Variants in FNDC3A observed in about 807,000 individuals in gnomAD.
The protein encoded by FNDC3A is fibronectin type-III domain-containing protein 3A.
A neutral mutation model predicts 148.9 loss-of-function variants in FNDC3A; 32 were observed. The observed-to-expected ratio is 0.21, with a 90% confidence interval of 0.16 to 0.29. The LOEUF (loss-of-function observed/expected upper bound fraction) is 0.29. Ranked by LOEUF, FNDC3A falls within the 10% of genes least tolerant of loss-of-function variation. The pLI is 1.00. For missense variants in FNDC3A, 1,191 were observed against 1,452.8 expected (o/e 0.82, Z 2.93); for synonymous variants, 472 against 473.6 (o/e 1.00, Z 0.04).
intron 14 of FNDC3A, among the ~76,000 whole-genome samples, chr13:49,184,009 A>G (rs35018425): frequency 0.62 from 94,343 of 152,084 alleles, 29,919 homozygotes; most frequent in Non-Finnish European, 0.68. Context: ...AGATTGTGGT[A>G]AGTGCAATGC....
At chr13:49,070,109 T>C (rs1877545662) in intron 2 of FNDC3A, among the ~76,000 whole-genome samples, 1 of 152,050 alleles carries the variant, frequency 6.6e-6, no homozygotes, top group Admixed American at 6.6e-5. Flanking sequence ...GCCACATAAG[T>C]AGTGTTTTTT....
At chr13:49,115,833 T>C (rs1165373775) in intron 4 of FNDC3A, among the ~76,000 whole-genome samples, 4 of 152,246 alleles carry the variant, frequency 2.6e-5, no homozygotes, top group Non-Finnish European at 5.9e-5. Flanking sequence ...CTTTCCGCTA[T>C]GTACCAAATC....
rs1052870703 is a variant in FNDC3A, at chr13:49,107,577, T to G, written c.176-7078T>G. 2.7e-5 allele frequency among the ~76,000 whole-genome samples: 4 copies of G among 149,902 alleles called. No homozygotes were observed. The East Asian group carries it at 5.8e-4, about 22-fold the overall frequency. On this transcript the variant is annotated intron_variant, in intron 3 of 25. Transcript: ENST00000492622. ...TTTGATCTAGTGAAGGAACAATGCT[T>G]CTTCTGCAAATAGAGGAAAGGAATT... is the stretch of plus-strand genomic sequence containing the variant.
chr13:49,120,133 G>C (rs1197626725), intron 4 of FNDC3A, among the ~76,000 whole-genome samples: 1 of 152,194 alleles, frequency 6.6e-6, no homozygotes, highest in East Asian at 1.9e-4. Context: ...CAGACTAATA[G>C]CAAATCTCTC....
chr13:49,151,949 G>T (rs1302469385), intron 8 of FNDC3A, among the ~76,000 whole-genome samples: 1 of 152,148 alleles, frequency 6.6e-6, no homozygotes, highest in Non-Finnish European at 1.5e-5. Context: ...TGGTGAATAT[G>T]TGCCACATTT....
At chr13:49,123,558 C>CA (rs1485365334) in intron 4 of FNDC3A, among the ~76,000 whole-genome samples, 1 of 151,890 alleles carries the variant, frequency 6.6e-6, no homozygotes, top group African/African-American at 2.4e-5. Context: ...TCAAAGTAAA[C>CA]AGGCAGCCTG....
intron 8 of FNDC3A, among the ~76,000 whole-genome samples, chr13:49,161,825 G>A (rs1304234846): frequency 6.6e-6 from 1 of 152,114 alleles, no homozygotes; most frequent in Non-Finnish European, 1.5e-5. Context: ...CTCAGGATTT[G>A]CTTGTAAATT....
intron 2 of FNDC3A, among the ~76,000 whole-genome samples, chr13:49,007,902 G>A (rs1404275479): frequency 6.6e-6 from 1 of 152,062 alleles, no homozygotes; most frequent in East Asian, 1.9e-4. Context: ...TAGTTCGGTA[G>A]GGAGAGAGCT....
At chr13:49,196,652 G>T (rs193278300) in intron 19 of FNDC3A, among the ~76,000 whole-genome samples, 217 of 152,166 alleles carry the variant, frequency 1.4e-3, no homozygotes, top group African/African-American at 5.1e-3. Context: ...GAAATAAGGG[G>T]CAGAAGAAAG....
intron 2 of FNDC3A, among the ~76,000 whole-genome samples, chr13:49,043,437 T>C (rs1031015514): frequency 3.9e-5 from 6 of 152,196 alleles, no homozygotes; most frequent in Non-Finnish European, 7.3e-5. Context: ...AATGAAAGTA[T>C]AGATTTAAAT....
At chr13:49,027,614 C>T (rs1873813643) in intron 2 of FNDC3A, among the ~76,000 whole-genome samples, 1 of 152,026 alleles carries the variant, frequency 6.6e-6, no homozygotes, top group African/African-American at 2.4e-5. Flanking sequence ...TTTTTACATA[C>T]AATTGGAATT....
chr13:49,199,085 A>G lies in FNDC3A; in HGVS notation c.2987+511A>G, dbSNP rs76559836. 4.7e-3 allele frequency among the ~76,000 whole-genome samples: 710 copies of G among 152,116 alleles called. 8 individuals are homozygous for G. Among genetic ancestry groups the G allele is most frequent in the African/African-American group, 0.016 (681 of 41,490 alleles). ...ACCCAGGCTGGCCTCCAGTGGCACT[A>G]TCTTGGCTCATTGCAACCTCTGCCT... On this transcript the variant is annotated intron_variant, in intron 23 of 25. Transcript: ENST00000492622.
chr13:49,120,338 A>G (rs1881251165), intron 4 of FNDC3A, among the ~76,000 whole-genome samples: 1 of 152,222 alleles, frequency 6.6e-6, no homozygotes, highest in African/African-American at 2.4e-5. Flanking sequence ...CTCCTGAAGG[A>G]AGCCCTAAAT....
At chr13:49,051,222 T>G (rs1242685406) in intron 2 of FNDC3A, among the ~76,000 whole-genome samples, 2 of 152,164 alleles carry the variant, frequency 1.3e-5, no homozygotes, top group African/African-American at 4.8e-5. Context: ...GGTTTTTGTT[T>G]TGTTTTGTTT....
At chr13:49,070,900 T>TTTTTTTTC (rs1877633222) in intron 2 of FNDC3A, among the ~76,000 whole-genome samples, 2 of 135,430 alleles carry the variant, frequency 1.5e-5, no homozygotes, top group African/African-American at 2.7e-5. Flanking sequence ...TTTTGTTTTG[T>TTTTTTTTC]TTTTTTTCTT....
In FNDC3A at chr13:49,168,751, G is replaced by A; in HGVS notation, c.1176G>A (p.Lys392=). Residue 392 remains lysine (K), a splice_region_variant and synonymous_variant, in exon 10 of 26, where the codon AAG becomes AAA. Transcript: ENST00000492622. The stretch of plus-strand genomic sequence containing the variant: ...AAAATTCACTCACTTTGCAATGGAA[G>A]GTAAGAATATTCTTTAGGGTGTTTC... ...RTKNSLTLQW[K]APSDNGSKIQ... 1.2e-6 allele frequency: 2 copies of A among 1,612,948 alleles called. No homozygotes were observed. The highest frequency in any genetic ancestry group is 1.7e-6 in the Non-Finnish European group (2 of 1,179,344).
At chr13:49,190,992 T>C (rs1406226025) in intron 17 of FNDC3A, 23 bp from the exon 18 acceptor site, 3 of 1,569,246 alleles carry the variant, frequency 1.9e-6, no homozygotes, top group East Asian at 2.2e-5. Context: ...ATTTTTGTTT[T>C]CTTTTTGCTT....
In FNDC3A at chr13:49,168,798, G is replaced by A. The variant is rs548848788; in HGVS notation, c.1176+47G>A. ...TTTCCAACTGGACATGTGTTTCTTT[G>A]TTTCCCCTGGTAGTATTAAGTTTCA... On this transcript the variant is annotated intron_variant, in intron 10 of 25. Transcript: ENST00000492622. 1.5e-4 allele frequency: 229 copies of A among 1,547,792 alleles called. 7 individuals are homozygous for A. The South Asian group carries it at 2.5e-3, about 17-fold the overall frequency.
chr13:49,136,753 T>C, intron 6 of FNDC3A, 152 bp downstream of exon 6: 1 of 650,694 alleles, frequency 1.5e-6, no homozygotes, highest in Non-Finnish European at 2.5e-6. Context: ...CCTCAATTAG[T>C]AATTTCATCT....
Sources: allele counts gnomAD v4.1 joint callset (sites outside exome capture counted in the v4.1 genomes callset), GRCh38; gene constraint gnomAD v4.1.1; transcripts MANE v1.5; gene names NCBI Gene and HGNC (gene_info 2026-07-23, HGNC 2026-07-21).